The following LAMA3 variants were observed in gnomAD, a reference collection of about 807,000 sequenced individuals.
LAMA3 encodes the protein laminin subunit alpha-3.
LAMA3 carries 281 observed loss-of-function variants against 402.0 expected under a neutral mutation model. The observed-to-expected ratio is 0.70, with a 90% confidence interval of 0.63 to 0.77. The LOEUF (loss-of-function observed/expected upper bound fraction) is 0.77, where lower values mean the gene tolerates loss of function less well. LAMA3 is among the 30% of genes least tolerant of loss of function. LAMA3 has a pLI of 0.00. For missense variants in LAMA3, 3,840 were observed against 4,215.5 expected, an observed-to-expected ratio of 0.91 and a Z score of 2.47; for synonymous variants, 1,431 against 1,558.4, an observed-to-expected ratio of 0.92 and a Z score of 1.93.
At chr18:23,763,585 C>T in intron 8 of LAMA3, 62 bp downstream of exon 8, 1 of 1,015,240 alleles carries the variant, frequency 9.8e-7, no homozygotes, top group South Asian at 1.3e-5. Context: ...TCAGTAAGCT[C>T]TGCTCCTGAA....
rs374747188 is a variant in LAMA3, at chr18:23,875,515, G to A, written c.4999-779G>A. Among the ~76,000 whole-genome samples, 126 of 152,222 alleles carry A rather than the reference G, an allele frequency of 8.3e-4. 3 individuals are homozygous for A. The South Asian group carries it at 0.025, about 30-fold the overall frequency. On this transcript the variant is annotated intron_variant, in intron 38 of 74. Coordinates refer to ENST00000313654, the MANE Select transcript of LAMA3 (RefSeq NM_198129.4). ...GTGTGTTCGGGTGGACCAGATGTTC[G>A]TGAACAGTCCTGTATGGGAACCTCA... is the stretch of plus-strand genomic sequence containing the variant.
chr18:23,884,784 G>A lies in LAMA3; in HGVS notation c.5234G>A (p.Gly1745Asp), dbSNP rs2065015157. The change falls in exon 41 of 75, where the codon GGC becomes GAC. Residue 1745 changes from glycine (G) to aspartate (D), a missense_variant. Coordinates refer to ENST00000313654, the MANE Select transcript of LAMA3 (RefSeq NM_198129.4). Reference protein sequence around the residue: ...PCPHTNSFATGCVVNGGDVRC... With the variant: ...PCPHTNSFATDCVVNGGDVRC... ...TGTCTTCTTTCAAGCTTTGCCACTG[G>A]CTGTGTGGTGAATGGGGGAGACGTG... 1.9e-6 allele frequency: 3 copies of A among 1,613,622 alleles called. No individual in the cohort carries two copies. The highest frequency in any genetic ancestry group is 1.7e-6 in the Non-Finnish European group (2 of 1,179,762).
chr18:23,729,617 T>A (rs1004692238), intron 2 of LAMA3, among the ~76,000 whole-genome samples: 5 of 151,356 alleles, frequency 3.3e-5, no homozygotes. Flanking sequence ...TAAAAATGAT[T>A]ATATATATAT....
chr18:23,794,456 C>T (rs1007813138), intron 12 of LAMA3, among the ~76,000 whole-genome samples: 1 of 152,186 alleles, frequency 6.6e-6, no homozygotes, highest in Non-Finnish European at 1.5e-5. Context: ...CAAGTTGAAG[C>T]CAGCTGTGGG....
intron 35 of LAMA3, among the ~76,000 whole-genome samples, chr18:23,864,011 GC>G (rs2064289455): frequency 2.0e-5 from 3 of 152,124 alleles, no homozygotes; most frequent in Admixed American, 6.5e-5. Flanking sequence ...TTCACCATCT[GC>G]TTTCAGGAGA....
intron 37 of LAMA3, among the ~76,000 whole-genome samples, chr18:23,868,963 C>A (rs1367463780): frequency 6.6e-6 from 1 of 152,038 alleles, no homozygotes; most frequent in African/African-American, 2.4e-5. Context: ...AAAGGTACAT[C>A]TATACAATGG....
rs116460495 is a variant in LAMA3, at chr18:23,942,876, C to T, written c.9027-912C>T. Among the ~76,000 whole-genome samples the T allele has an allele frequency of 5.8e-3, 886 of 152,266 alleles. 6 individuals are homozygous for T. Among genetic ancestry groups the T allele is most frequent in the African/African-American group, 0.02 (831 of 41,550 alleles). On this transcript the variant is annotated intron_variant, in intron 68 of 74. Transcript: ENST00000313654. Reference sequence around the variant, plus strand: ...TTTCCCATAGTGCTGAGATTACAGGCGTGAGCCACCTTGCTTGGCACACTC... The same window carrying T: ...TTTCCCATAGTGCTGAGATTACAGGTGTGAGCCACCTTGCTTGGCACACTC...
At chr18:23,908,313 G>A (rs2081316944) in intron 54 of LAMA3, among the ~76,000 whole-genome samples, 2 of 151,872 alleles carry the variant, frequency 1.3e-5, no homozygotes, top group East Asian at 1.9e-4. Flanking sequence ...GGTGGATCAC[G>A]AGGTCAGGAG....
chr18:23,763,459 G>A lies in LAMA3; in HGVS notation c.1118G>A (p.Arg373Gln), dbSNP rs367796914. Residue 373 changes from arginine to glutamine, a missense_variant, in exon 8 of 75, where the codon CGG (arginine) becomes CAG (glutamine). This residue lies in a region of LAMA3 where 2,109 missense variants were observed against 2,376.0 expected (regional missense o/e 0.89). Coordinates refer to ENST00000313654, the MANE Select transcript of LAMA3 (RefSeq NM_198129.4). ...SNCYYDPDVE[R>Q]QQASLNTQGI... ...TGTTACTATGATCCAGATGTTGAGC[G>A]GCAGCAGGCAAGCTTGAATACCCAG... 8.1e-6 allele frequency: 13 copies of A among 1,614,012 alleles called. No homozygotes were observed. The highest frequency in any genetic ancestry group is 5.0e-5 in the Admixed American group (3 of 60,014).
intron 24 of LAMA3, chr18:23,834,517 C>G (rs2063546380): frequency 5.9e-6 from 1 of 168,510 alleles, no homozygotes; most frequent in Non-Finnish European, 1.3e-5. Context: ...AGAGCACTAA[C>G]TGACAAGGGC....
intron 29 of LAMA3, among the ~76,000 whole-genome samples, chr18:23,843,062 C>T (rs567887589): frequency 2.0e-5 from 3 of 152,190 alleles, no homozygotes; most frequent in Admixed American, 1.3e-4. Context: ...GCTGCTTTCT[C>T]TCTGTTTTCC....
At position 23,717,719 on chromosome 18, in the gene LAMA3, A is replaced by ATTTTTTTTTTTTTTT. The variant is rs1568109215; in HGVS notation, c.447+3647_447+3648insTTTTTTTTTTTTTTT. Among the ~76,000 whole-genome samples the ATTTTTTTTTTTTTTT allele has an allele frequency of 1.7e-5, 2 of 116,806 alleles. 1 individual carries two copies. Among genetic ancestry groups the ATTTTTTTTTTTTTTT allele is most frequent in the African/African-American group, 7.8e-5 (2 of 25,646 alleles). The allele number at this position is 116,806 out of a possible 152,430, so 76.6% of individuals were successfully genotyped here. ...AGGTGCCCACCACCATGCCTGGCTA[A>ATTTTTTTTTTTTTTT]ATTTTTTTTTTTTTTTTTTTTTTTT... On this transcript the variant is annotated intron_variant, in intron 2 of 74. Coordinates refer to ENST00000313654, the MANE Select transcript of LAMA3 (RefSeq NM_198129.4).
At chr18:23,876,642 A>T (rs897928118) in intron 39 of LAMA3, among the ~76,000 whole-genome samples, 4 of 152,256 alleles carry the variant, frequency 2.6e-5, no homozygotes, top group African/African-American at 9.6e-5. Flanking sequence ...GTTACACTTT[A>T]GCTTCTAAAT....
At chr18:23,713,405 C>T (rs188328076) in intron 1 of LAMA3, among the ~76,000 whole-genome samples, 8 of 152,210 alleles carry the variant, frequency 5.3e-5, no homozygotes, top group African/African-American at 1.2e-4. Flanking sequence ...GAATATCTAC[C>T]GCCATTGGCC....
chr18:23,753,639 G>A, intron 5 of LAMA3, 82 bp from the exon 6 acceptor site: 1 of 952,920 alleles, frequency 1.0e-6, no homozygotes, highest in African/African-American at 1.6e-5. Flanking sequence ...AGCAGAGGCA[G>A]CAGATGTGGG....
intron 62 of LAMA3, 107 bp from the exon 63 acceptor site, chr18:23,928,016 C>T: frequency 3.7e-6 from 3 of 814,340 alleles, no homozygotes; most frequent in Admixed American, 1.7e-5. Context: ...ACATAAAACA[C>T]CTACTCATTT....
intron 13 of LAMA3, among the ~76,000 whole-genome samples, chr18:23,811,965 A>C (rs1232393968): frequency 2.6e-5 from 4 of 151,720 alleles, no homozygotes; most frequent in Admixed American, 2.0e-4. Flanking sequence ...GCTCTGCCTC[A>C]CGGGTTCAAG....
rs1461688634 is a variant in LAMA3 at position 23,941,307 on chromosome 18, G to A, written c.9026+1921G>A. ...TCCCGCCTCTGGCCTCCCCCTTGTG[G>A]CCTCTCCATCAGCTTGGCGCCCCCC... On this transcript the variant is annotated intron_variant, in intron 68 of 74. Coordinates refer to ENST00000313654, the MANE Select transcript of LAMA3 (RefSeq NM_198129.4). Among the ~76,000 whole-genome samples, 53 of 122,272 alleles carry A rather than the reference G, an allele frequency of 4.3e-4. 1 individual carries two copies. The highest frequency in any genetic ancestry group is 3.9e-3 in the Middle Eastern group (1 of 258). The allele number at this position is 122,272 out of a possible 152,430, so 80.2% of individuals were successfully genotyped here. A position where few individuals can be genotyped will look rare whatever the true frequency, so the allele number is the denominator to read the frequency against.
intron 70 of LAMA3, among the ~76,000 whole-genome samples, chr18:23,947,138 GGCTCTGATGGGGC>G (rs941770399): frequency 1.3e-5 from 2 of 152,162 alleles, no homozygotes; most frequent in South Asian, 2.1e-4. Context: ...TCAAGTTCAA[GGCTCTGATGGGGC>G]GCTCTGATGG....
Sources: gnomAD v4.1 joint callset for allele counts (sites outside exome capture counted in the v4.1 genomes callset) on GRCh38, gnomAD v4.1.1 for gene constraint, gnomAD v4.1.1 regional missense constraint, MANE v1.5 for transcripts, NCBI Gene and HGNC (gene_info 2026-07-23, HGNC 2026-07-21) for gene names.